HS2ST1: variants seen among roughly 807,000 people sequenced by gnomAD.
HS2ST1 encodes the protein heparan sulfate 2-O-sulfotransferase 1.
In HS2ST1, 18 loss-of-function variants were observed where a neutral mutation model predicts 42.9. The ratio of observed to expected loss-of-function variants is 0.42; its 90% confidence interval spans 0.29 to 0.62. The LOEUF is 0.62. HS2ST1 is among the 20% of genes least tolerant of loss of function. The pLI is 0.21. For synonymous variants in HS2ST1, 146 were observed against 152.9 expected, an observed-to-expected ratio of 0.95 and a Z score of 0.33; for missense variants, 334 against 433.8, an observed-to-expected ratio of 0.77 and a Z score of 2.04.
At chr1:86,957,108 T>C (rs1430004702) in intron 1 of HS2ST1, among the ~76,000 whole-genome samples, 2 of 152,246 alleles carry the variant, frequency 1.3e-5, no homozygotes, top group Non-Finnish European at 2.9e-5. Flanking sequence ...AGTGAATTTT[T>C]AGGTAATGAA....
chr1:86,941,972 A>G (rs1270233871), intron 1 of HS2ST1, among the ~76,000 whole-genome samples: 1 of 152,182 alleles, frequency 6.6e-6, no homozygotes, highest in Non-Finnish European at 1.5e-5. Context: ...TATGAGCAGA[A>G]GCTTAATACT....
chr1:86,990,895 A>T (rs1361092555), intron 1 of HS2ST1, among the ~76,000 whole-genome samples: 7 of 128,544 alleles, frequency 5.4e-5, no homozygotes, highest in South Asian at 2.6e-4. Flanking sequence ...GGTCAGGCTG[A>T]TCTCAAACTC....
intron 1 of HS2ST1, among the ~76,000 whole-genome samples, chr1:86,968,123 T>C (rs1648115244): frequency 1.3e-5 from 2 of 152,204 alleles, no homozygotes; most frequent in Admixed American, 6.5e-5. Context: ...GCCCACTTAT[T>C]GATGGGATTA....
At chr1:87,015,313 T>C (rs1212850295) in intron 1 of HS2ST1, among the ~76,000 whole-genome samples, 2 of 150,950 alleles carry the variant, frequency 1.3e-5, no homozygotes, top group African/African-American at 4.9e-5. Context: ...CCCAAAGTGC[T>C]GGGATTACAG....
At chr1:87,073,343 T>A (rs1468038146) in intron 2 of HS2ST1, among the ~76,000 whole-genome samples, 171 bp downstream of exon 2, 1 of 152,238 alleles carries the variant, frequency 6.6e-6, no homozygotes, top group African/African-American at 2.4e-5. Flanking sequence ...TTGACAGTAT[T>A]TGACACATTT....
chr1:87,073,634 G>C (rs1419009156), intron 2 of HS2ST1, among the ~76,000 whole-genome samples: 2 of 151,976 alleles, frequency 1.3e-5, no homozygotes, highest in African/African-American at 4.8e-5. Flanking sequence ...ATATAGTTTA[G>C]TTGTGGCTTC....
intron 1 of HS2ST1, among the ~76,000 whole-genome samples, chr1:87,024,897 G>A (rs920247358): frequency 6.6e-6 from 1 of 152,138 alleles, no homozygotes; most frequent in African/African-American, 2.4e-5. Flanking sequence ...TTTCTGAATT[G>A]TGAGAAATTG....
chr1:86,948,431 G>T (rs950852314), intron 1 of HS2ST1, among the ~76,000 whole-genome samples: 1 of 152,160 alleles, frequency 6.6e-6, no homozygotes, highest in African/African-American at 2.4e-5. Context: ...GGGCCTACAC[G>T]CCTGTACCAC....
At chr1:87,045,648 TC>T in intron 1 of HS2ST1, 1 of 773,998 alleles carries the variant, frequency 1.3e-6, no homozygotes, top group Admixed American at 1.7e-5. Flanking sequence ...CTTCAATCTT[TC>T]CAATACTGTC....
chr1:87,008,202 T>C (rs925344859), intron 1 of HS2ST1, among the ~76,000 whole-genome samples: 1 of 152,150 alleles, frequency 6.6e-6, no homozygotes, highest in Non-Finnish European at 1.5e-5. Context: ...GCAAAGTCAA[T>C]TTACCTGAAA....
rs867181398 is a variant in HS2ST1, at chr1:87,023,460, T to G, written c.125-49474T>G. On this transcript the variant is annotated intron_variant, in intron 1 of 6. Coordinates refer to ENST00000370550, the MANE Select transcript of HS2ST1 (RefSeq NM_012262.4). Reference sequence around the variant, plus strand: ...AACTGATGTGTAATGTTCTTCAAGATATGTTAAAAAAAAAAAAAGTAGGGT... The same window carrying G: ...AACTGATGTGTAATGTTCTTCAAGAGATGTTAAAAAAAAAAAAAGTAGGGT... Among the ~76,000 whole-genome samples the G allele has an allele frequency of 6.3e-4, 41 of 65,358 alleles. No homozygotes were observed. In the Middle Eastern group the frequency reaches 0.03, roughly 48 times the overall value. The allele number at this position is 65,358 out of a possible 152,430, so 42.9% of individuals were successfully genotyped here.
chr1:87,079,557 A>G (rs984125413), intron 2 of HS2ST1, among the ~76,000 whole-genome samples: 1 of 152,246 alleles, frequency 6.6e-6, no homozygotes, highest in Non-Finnish European at 1.5e-5. Flanking sequence ...ACCTCAGTTC[A>G]GCATCTTTTG....
At chr1:87,017,896 C>T (rs1357930436) in intron 1 of HS2ST1, among the ~76,000 whole-genome samples, 2 of 151,956 alleles carry the variant, frequency 1.3e-5, no homozygotes, top group East Asian at 3.9e-4. Context: ...GTATTTTATC[C>T]ATCTATCCCC....
intron 1 of HS2ST1, among the ~76,000 whole-genome samples, chr1:87,065,661 C>T (rs981158560): frequency 6.6e-6 from 1 of 152,116 alleles, no homozygotes; most frequent in African/African-American, 2.4e-5. Flanking sequence ...ATCATATTCT[C>T]AAAGGAGTCC....
intron 5 of HS2ST1, among the ~76,000 whole-genome samples, chr1:87,101,358 G>C (rs1053399343): frequency 6.6e-6 from 1 of 151,322 alleles, no homozygotes; most frequent in South Asian, 2.1e-4. Flanking sequence ...TAAAGATGGG[G>C]TTTCGCTATG....
At chr1:86,954,180 T>G (rs1647611718) in intron 1 of HS2ST1, among the ~76,000 whole-genome samples, 1 of 151,306 alleles carries the variant, frequency 6.6e-6, no homozygotes, top group Non-Finnish European at 1.5e-5. Flanking sequence ...TAAAACCCAG[T>G]CTCTCTAAAA....
At chr1:87,024,101 A>C (rs1444537602) in intron 1 of HS2ST1, among the ~76,000 whole-genome samples, 2 of 152,188 alleles carry the variant, frequency 1.3e-5, no homozygotes. Flanking sequence ...CAATTTAAAG[A>C]GCAGTGTCTT....
At chr1:87,004,188 C>T (rs1207584296) in intron 1 of HS2ST1, among the ~76,000 whole-genome samples, 1 of 152,046 alleles carries the variant, frequency 6.6e-6, no homozygotes, top group Non-Finnish European at 1.5e-5. Flanking sequence ...GTCAGAAGTT[C>T]GAGACCAGCC....
chr1:86,963,944 C>T (rs1182456704), intron 1 of HS2ST1, among the ~76,000 whole-genome samples: 1 of 151,602 alleles, frequency 6.6e-6, no homozygotes, highest in East Asian at 2.0e-4. Flanking sequence ...CGGAGACGCT[C>T]CTCACTTCCC....
Sources: gnomAD v4.1 joint callset for allele counts (sites outside exome capture counted in the v4.1 genomes callset) on GRCh38, gnomAD v4.1.1 for gene constraint, MANE v1.5 for transcripts, NCBI Gene and HGNC (gene_info 2026-07-23, HGNC 2026-07-21) for gene names.